Variants in MINDY4 observed in about 807,000 individuals in gnomAD.
MINDY4 encodes probable ubiquitin carboxyl-terminal hydrolase MINDY-4.
In MINDY4, 68 loss-of-function variants were observed where a neutral mutation model predicts 87.0. That is an observed-to-expected ratio of 0.78 (90% CI 0.64 to 0.96). MINDY4 has a LOEUF of 0.96. MINDY4 is among the 40% of genes least tolerant of loss of function. MINDY4 has a pLI of 0.00. For synonymous variants in MINDY4, 379 were observed against 363.2 expected (o/e 1.04, Z -0.50); for missense variants, 919 against 928.2 (o/e 0.99, Z 0.13).
At chr7:30,885,434 C>A (rs1290408166) in intron 17 of MINDY4, among the ~76,000 whole-genome samples, 3 of 152,154 alleles carry the variant, frequency 2.0e-5, no homozygotes, top group South Asian at 2.1e-4. Context: ...ATCGCTTGAA[C>A]CTGGGAGGCG....
chr7:30,884,294 G>A (rs1352676881), intron 17 of MINDY4, among the ~76,000 whole-genome samples: 1 of 152,182 alleles, frequency 6.6e-6, no homozygotes, highest in East Asian at 1.9e-4. Flanking sequence ...TTGTCCGTCC[G>A]TCCGTCCATC....
intron 13 of MINDY4, among the ~76,000 whole-genome samples, chr7:30,865,397 AG>A: frequency 6.6e-6 from 1 of 152,360 alleles, no homozygotes; most frequent in East Asian, 1.9e-4. Flanking sequence ...CAAGAGACCA[AG>A]GTGACAATGG....
intron 5 of MINDY4, among the ~76,000 whole-genome samples, chr7:30,824,399 G>C (rs10278734): frequency 0.65 from 98,957 of 152,092 alleles, 34,129 homozygotes; most frequent in African/African-American, 0.89. Context: ...CCCCACCTCT[G>C]AATACGGCCA....
chr7:30,786,618 C>T (rs1787163377), intron 4 of MINDY4: 2 of 136,714 alleles, frequency 1.5e-5, no homozygotes, highest in African/African-American at 5.8e-5. Flanking sequence ...GACTGAGACC[C>T]TGTCTCAAAA....
Position 30,771,527 on chromosome 7 carries a change from T to A in MINDY4, c.34T>A (p.Ser12Thr). 2 of 1,604,638 alleles carry A rather than the reference T, an allele frequency of 1.2e-6. No homozygotes were observed. Among genetic ancestry groups the A allele is most frequent in the Non-Finnish European group, 1.7e-6 (2 of 1,176,726 alleles). ...DSLFVEEVAASLVREFLSRKG... is the reference protein window; with the variant it reads ...DSLFVEEVAATLVREFLSRKG... ...CCTCTTCGTGGAGGAGGTGGCCGCCTCCTTGGTCAGGGAGTTCCTCAGCAG... is the reference window on the plus strand; with the variant it reads ...CCTCTTCGTGGAGGAGGTGGCCGCCACCTTGGTCAGGGAGTTCCTCAGCAG... Residue 12 changes from serine to threonine, a missense_variant, in exon 1 of 18, where the codon TCC becomes ACC. Ser to Thr is a moderately conservative substitution (Grantham distance 58). Coordinates refer to ENST00000265299, the MANE Select transcript of MINDY4 (RefSeq NM_032222.3).
At chr7:30,883,243 G>A (rs953089490) in intron 17 of MINDY4, among the ~76,000 whole-genome samples, 2 of 152,192 alleles carry the variant, frequency 1.3e-5, no homozygotes, top group Non-Finnish European at 2.9e-5. Context: ...TGGGGGTGGG[G>A]GCTAAATGGG....
intron 5 of MINDY4, among the ~76,000 whole-genome samples, chr7:30,795,688 G>A (rs921713091): frequency 2.0e-5 from 3 of 152,204 alleles, no homozygotes; most frequent in African/African-American, 7.2e-5. Flanking sequence ...TCTGAAGGAT[G>A]TCTCACTGGT....
Position 30,844,550 on chromosome 7 carries a change from C to T in MINDY4, c.1445+3702C>T, listed in dbSNP as rs551572151. 1.8e-3 allele frequency among the ~76,000 whole-genome samples: 279 copies of T among 152,270 alleles called. 2 individuals carry two copies. The highest frequency in any genetic ancestry group is 4.8e-3 in the African/African-American group (198 of 41,552). On this transcript the variant is annotated intron_variant, in intron 9 of 17. Coordinates refer to ENST00000265299, the MANE Select transcript of MINDY4 (RefSeq NM_032222.3). ...TTAGGGCTTCTGTCAAGTGAAGACC[C>T]GGAAGACCAGGGAGTGAGGGCCTGC...
chr7:30,830,027 C>T (rs543944872), intron 6 of MINDY4, among the ~76,000 whole-genome samples: 1 of 151,866 alleles, frequency 6.6e-6, no homozygotes, highest in African/African-American at 2.4e-5. Context: ...GGAACCCAGT[C>T]ACGGAGAGAG....
At chr7:30,856,817 A>G (rs1483419989) in intron 12 of MINDY4, among the ~76,000 whole-genome samples, 1 of 151,264 alleles carries the variant, frequency 6.6e-6, no homozygotes, top group Non-Finnish European at 1.5e-5. Flanking sequence ...CAGAGCTGGT[A>G]CAAGGGACTG....
intron 6 of MINDY4, 134 bp downstream of exon 6, chr7:30,828,871 T>G: frequency 1.4e-6 from 1 of 732,146 alleles, no homozygotes; most frequent in Admixed American, 2.2e-5. Flanking sequence ...GTCAAGTGAG[T>G]AGAGTAGACT....
intron 6 of MINDY4, among the ~76,000 whole-genome samples, chr7:30,834,727 T>A (rs547155851): frequency 2.4e-4 from 36 of 152,338 alleles, no homozygotes; most frequent in Admixed American, 2.0e-3. Flanking sequence ...TTAACAGCAC[T>A]CAAGTCGCCT....
At chr7:30,880,305 C>G (rs1315580762) in intron 15 of MINDY4, among the ~76,000 whole-genome samples, 1 of 144,214 alleles carries the variant, frequency 6.9e-6, no homozygotes, top group South Asian at 2.5e-4. Context: ...CCCCCGCACC[C>G]CCCCCCACCC....
At chr7:30,859,060 G>C (rs577710790) in intron 12 of MINDY4, 197 bp from the exon 13 acceptor site, 1 of 715,820 alleles carries the variant, frequency 1.4e-6, no homozygotes, top group Admixed American at 2.0e-5. Flanking sequence ...TCGCTCTGCT[G>C]TCATTGTCAT....
At chr7:30,813,431 G>A (rs564235425) in intron 5 of MINDY4, among the ~76,000 whole-genome samples, 5 of 152,156 alleles carry the variant, frequency 3.3e-5, no homozygotes, top group Non-Finnish European at 5.9e-5. Flanking sequence ...CCTTTCCACC[G>A]TTGAGTGGCT....
intron 13 of MINDY4, among the ~76,000 whole-genome samples, chr7:30,870,281 G>A (rs1790062699): frequency 6.6e-6 from 1 of 152,198 alleles, no homozygotes; most frequent in African/African-American, 2.4e-5. Context: ...AGGTGGCATA[G>A]GGCCAGTGAT....
chr7:30,863,783 GT>G lies in MINDY4; in HGVS notation c.1745+4467del, dbSNP rs1006618636. ...CCAGGCTGTGCAAAGCCTTGTGAAG[GT>G]TTTTTTTCCACTTGATTTCAAGCCG... On this transcript the variant is annotated intron_variant, in intron 13 of 17. Coordinates refer to ENST00000265299, the MANE Select transcript of MINDY4 (RefSeq NM_032222.3). 3.3e-5 allele frequency among the ~76,000 whole-genome samples: 5 copies of G among 152,156 alleles called. 1 individual carries two copies. Among genetic ancestry groups the G allele is most frequent in the Admixed American group, 1.3e-4 (2 of 15,282 alleles).
intron 5 of MINDY4, chr7:30,803,475 G>T (rs1453505168): frequency 6.6e-6 from 1 of 152,196 alleles, no homozygotes; most frequent in South Asian, 2.1e-4. Flanking sequence ...CTGTTTCAGG[G>T]TCAGATGGAT....
chr7:30,828,633 TTC>T (rs1358311448), intron 5 of MINDY4, 44 bp from the exon 6 acceptor site: 1 of 1,591,074 alleles, frequency 6.3e-7, no homozygotes, highest in South Asian at 1.1e-5. Context: ...CCGTTTACAT[TTC>T]TCTGTCAGTC....
Sources: gnomAD v4.1 joint callset for allele counts (sites outside exome capture counted in the v4.1 genomes callset) on GRCh38, gnomAD v4.1.1 for gene constraint, MANE v1.5 for transcripts, NCBI Gene and HGNC (gene_info 2026-07-23, HGNC 2026-07-21) for gene names.